Variants in LTBP4 observed in about 807,000 individuals in gnomAD.
LTBP4 encodes latent-transforming growth factor beta-binding protein 4.
A neutral mutation model predicts 180.2 loss-of-function variants in LTBP4; 93 were observed. The ratio of observed to expected loss-of-function variants is 0.52; its 90% CI spans 0.44 to 0.61. The LOEUF (loss-of-function observed/expected upper bound fraction) is 0.61. Among genes scored for constraint, LTBP4 ranks in the 20% least tolerant of loss-of-function variants. The pLI is 0.00. For synonymous variants in LTBP4, 947 were observed against 934.5 expected, an observed-to-expected ratio of 1.01 and a Z score of -0.24; for missense variants, 2,116 against 2,256.5, an observed-to-expected ratio of 0.94 and a Z score of 1.26.
chr19:40,597,467 G>T (rs1447927947), upstream of LTBP4: 127 of 1,354,502 alleles, frequency 9.4e-5, no homozygotes, highest in Non-Finnish European at 1.2e-4. Flanking sequence ...GGGGAAACTC[G>T]AACCCACTGC....
chr19:40,622,732 G>A lies in LTBP4; in HGVS notation c.3484+65G>A. On this transcript the variant is annotated intron_variant, in intron 23 of 29. Coordinates refer to ENST00000396819, the MANE Select transcript of LTBP4 (RefSeq NM_001042545.2). This position sits in a 1 kb window ranked among gnomAD's most constrained non-coding sequence, Gnocchi z 5.1. Reference sequence around the variant, plus strand: ...GGTGGAAATACTGGGTGGGGTGTGGGCCTGGGACAGGGGACACTTTTGGAC... The same window carrying A: ...GGTGGAAATACTGGGTGGGGTGTGGACCTGGGACAGGGGACACTTTTGGAC... The A allele has an allele frequency of 6.6e-7, 1 of 1,522,522 alleles. No homozygotes were observed. 94.3% of individuals were successfully genotyped at this position (1,522,522 alleles called of 1,614,324 possible).
In LTBP4 at chr19:40,608,617, A is replaced by T. The variant is rs770670908; in HGVS notation, c.1426+14A>T. 16 of 1,571,408 alleles carry T rather than the reference A, an allele frequency of 1.0e-5. No homozygotes were observed. The East Asian group carries it at 3.3e-4, about 32-fold the overall frequency. On this transcript the variant is annotated intron_variant, in intron 9 of 29. Transcript: ENST00000396819. ...TTCCTGAATCAGGTTTGCTAGAAAG[A>T]ACTGAGGGCATTGGGCCTGCAGCAG...
intron 7 of LTBP4, 30 bp downstream of exon 7, chr19:40,607,559 C>T (rs762279242): frequency 3.2e-6 from 5 of 1,577,128 alleles, no homozygotes; most frequent in African/African-American, 1.3e-5. Flanking sequence ...CCTAGCCCTA[C>T]GCGCAACACA....
In LTBP4 at chr19:40,611,484, G is replaced by A; in HGVS notation, c.2053+90G>A. ...GAGGGGCAGAGAGGCAGAGTGATGG[G>A]GCTCAGGGATGGAGAACAGGGGCTG... On this transcript the variant is annotated intron_variant, in intron 13 of 29. Coordinates refer to ENST00000396819, the MANE Select transcript of LTBP4 (RefSeq NM_001042545.2). This position sits in a 1 kb window ranked among gnomAD's most constrained non-coding sequence, Gnocchi z 4.4. The A allele has an allele frequency of 6.6e-7, 1 of 1,506,092 alleles. No homozygotes were observed. The highest frequency in any genetic ancestry group is 1.3e-5 in the South Asian group (1 of 76,894). 93.3% of individuals were successfully genotyped at this position (1,506,092 alleles called of 1,614,324 possible).
rs55740667 is a variant in LTBP4 at position 40,606,699 on chromosome 19, G to C, written c.991+173G>C. On this transcript the variant is annotated intron_variant, in intron 6 of 29. Coordinates refer to ENST00000396819, the MANE Select transcript of LTBP4 (RefSeq NM_001042545.2). ...TTCTTATACAGCTTCAGCATCCCTGGACCACCTTTAGACCTTTCAAGCCTT... is the reference window on the plus strand; with the variant it reads ...TTCTTATACAGCTTCAGCATCCCTGCACCACCTTTAGACCTTTCAAGCCTT... Among the ~76,000 whole-genome samples the C allele has an allele frequency of 0.19, 29,420 of 151,874 alleles. 3,018 individuals carry two copies. Among genetic ancestry groups the C allele is most frequent in the South Asian group, 0.29 (1,386 of 4,816 alleles).
intron 21 of LTBP4, 120 bp from the exon 22 acceptor site, chr19:40,619,227 T>C: frequency 3.1e-6 from 3 of 974,256 alleles, no homozygotes; most frequent in Non-Finnish European, 4.5e-6. Context: ...GAAAAACAGA[T>C]GATGGGATCT....
In LTBP4 at chr19:40,611,876, C is replaced by G; in HGVS notation, c.2071C>G (p.Arg691Gly). ...APCQDVDECARSPPPCTYGRC... is the reference protein window; with the variant it reads ...APCQDVDECAGSPPPCTYGRC... ...TGCCCCAGATGTGGATGAGTGTGCCCGAAGCCCCCCACCCTGCACCTACGG... is the reference window on the plus strand; with the variant it reads ...TGCCCCAGATGTGGATGAGTGTGCCGGAAGCCCCCCACCCTGCACCTACGG... Residue 691 changes from arginine to glycine, a missense_variant, in exon 14 of 30, where the codon CGA (arginine) becomes GGA (glycine). This residue lies in a region of LTBP4 where 877 missense variants were observed against 873.6 expected (regional missense o/e 1.00). Coordinates refer to ENST00000396819, the MANE Select transcript of LTBP4 (RefSeq NM_001042545.2). This position sits in a 1 kb window ranked among gnomAD's most constrained non-coding sequence, Gnocchi z 4.4. 2 of 1,607,454 alleles carry G rather than the reference C, an allele frequency of 1.2e-6. No individual in the cohort carries two copies. Among genetic ancestry groups the G allele is most frequent in the Non-Finnish European group, 1.7e-6 (2 of 1,177,214 alleles).
At chr19:40,593,239 T>C in intron 1 of LTBP4, 1 of 1,600,846 alleles carries the variant, frequency 6.2e-7, no homozygotes, top group Non-Finnish European at 8.6e-7. Context: ...AACCCTAATT[T>C]TGTTTTTGTT....
chr19:40,617,095 T>A lies in LTBP4; in HGVS notation c.2945-5T>A. 5 of 1,614,000 alleles carry A rather than the reference T, an allele frequency of 3.1e-6. No homozygotes were observed. The highest frequency in any genetic ancestry group is 4.2e-6 in the Non-Finnish European group (5 of 1,179,870). On this transcript the variant is annotated splice_polypyrimidine_tract_variant and splice_region_variant and intron_variant, in intron 20 of 29. Transcript: ENST00000396819. ...AGAAATGGCCTGACTGTCTGGTGGT[T>A]GCAGATGTGGACGAATGCCGGAACC... is the stretch of plus-strand genomic sequence containing the variant.
chr19:40,627,437 G>C (rs531186974), intron 28 of LTBP4, 82 bp downstream of exon 28: 2 of 1,428,912 alleles, frequency 1.4e-6, no homozygotes, highest in Non-Finnish European at 1.8e-6. Flanking sequence ...CAGAAGGCGG[G>C]AGGAGAGACG....
In LTBP4 at chr19:40,623,642, A is replaced by T; in HGVS notation, c.3595A>T (p.Lys1199Ter). ...ECQLFRDQVC[K>*]SGVCVNTAPG... ...TCAGCTCTTCCGAGACCAGGTGTGC[A>T]AGAGTGGCGTGTGTGTGAACACGGC... Residue 1199 changes from lysine (K) to a stop codon, truncating the protein, a stop_gained, in exon 25 of 30, where the codon AAG becomes TAG. Transcript: ENST00000396819. LOFTEE classifies it high-confidence loss of function. 1 of 1,613,792 alleles carries T rather than the reference A, an allele frequency of 6.2e-7. No homozygotes were observed. The highest frequency in any genetic ancestry group is 8.5e-7 in the Non-Finnish European group (1 of 1,179,854).
Position 40,622,174 on chromosome 19 carries a change from C to T in LTBP4, c.3218-227C>T, listed in dbSNP as rs930084147. On this transcript the variant is annotated intron_variant, in intron 22 of 29. Coordinates refer to ENST00000396819, the MANE Select transcript of LTBP4 (RefSeq NM_001042545.2). The surrounding 1 kb of genome is among the most constrained non-coding windows in gnomAD (Gnocchi z 5.1). The stretch of plus-strand genomic sequence containing the variant: ...CCACCCAAGCTGTTAGCTGCAGTGA[C>T]GGGAAAGTGTGAGGTGGGGAGGCAA... Among the ~76,000 whole-genome samples, 5 of 152,092 alleles carry T rather than the reference C, an allele frequency of 3.3e-5. No individual in the cohort carries two copies. The highest frequency in any genetic ancestry group is 9.7e-5 in the African/African-American group (4 of 41,394).
chr19:40,601,212 C>T (rs1195046080), upstream of LTBP4, among the ~76,000 whole-genome samples: 1 of 151,830 alleles, frequency 6.6e-6, no homozygotes, highest in Admixed American at 6.6e-5. Flanking sequence ...AGCCTGCGAG[C>T]CTCTGGCTAA....
chr19:40,611,086 G>A lies in LTBP4; in HGVS notation c.1811-66G>A. 1 of 1,599,378 alleles carries A rather than the reference G, an allele frequency of 6.3e-7. No homozygotes were observed. The highest frequency in any genetic ancestry group is 2.2e-5 in the East Asian group (1 of 44,578). ...GGGACAGAATGTTGGAGGGTGGAAA[G>A]CCAAAGTGACAGAGGTCAGGGAGGC... On this transcript the variant is annotated intron_variant, in intron 12 of 29. Transcript: ENST00000396819. The surrounding 1 kb of genome is among the most constrained non-coding windows in gnomAD (Gnocchi z 4.4).
At chr19:40,606,959 C>T (rs570004616) in intron 6 of LTBP4, among the ~76,000 whole-genome samples, 1 of 152,302 alleles carries the variant, frequency 6.6e-6, no homozygotes, top group South Asian at 2.1e-4. Flanking sequence ...CCACGTTGGC[C>T]AGGCTGGCCT....
In LTBP4 at chr19:40,606,220, C is replaced by T. The variant is rs565492892; in HGVS notation, c.794-13C>T. The T allele has an allele frequency of 2.1e-5, 33 of 1,577,522 alleles. 1 individual carries two copies. In the South Asian group the frequency reaches 2.2e-4, roughly 11 times the overall value. On this transcript the variant is annotated splice_polypyrimidine_tract_variant and intron_variant, in intron 4 of 29. Transcript: ENST00000396819. Reference sequence around the variant, plus strand: ...CCACCTGTCCCTGGCCCACCCCTCTCCTCTCGCCACAGGGAACTCCGAAAG... The same window carrying T: ...CCACCTGTCCCTGGCCCACCCCTCTTCTCTCGCCACAGGGAACTCCGAAAG...
At chr19:40,607,340 A>G in intron 6 of LTBP4, 25 bp from the exon 7 acceptor site, 1 of 1,604,362 alleles carries the variant, frequency 6.2e-7, no homozygotes, top group Non-Finnish European at 8.5e-7. Flanking sequence ...CCCGCCCTGA[A>G]GGATTTCCTC....
intron 24 of LTBP4, 127 bp downstream of exon 24, chr19:40,623,148 ACT>A (rs1465431062): frequency 7.5e-6 from 4 of 536,528 alleles, no homozygotes; most frequent in Admixed American, 7.8e-5. Context: ...CCCCACCCAT[ACT>A]CTGTCTCTTT....
Position 40,605,704 on chromosome 19 carries a change from G to A in LTBP4, c.691-25G>A, listed in dbSNP as rs1266286537. 2.6e-6 allele frequency: 4 copies of A among 1,547,138 alleles called. No homozygotes were observed. Among genetic ancestry groups the A allele is most frequent in the East Asian group, 4.9e-5 (2 of 40,880 alleles). ...CCGGAGCTTGCCTCCGCGCGGGGGC[G>A]CGCTCACCCAACACTTCCCCGCAGT... On this transcript the variant is annotated intron_variant, in intron 3 of 29. Coordinates refer to ENST00000396819, the MANE Select transcript of LTBP4 (RefSeq NM_001042545.2). The surrounding 1 kb of genome is among the most constrained non-coding windows in gnomAD (Gnocchi z 5.5).
Sources: gnomAD v4.1 joint callset for allele counts (sites outside exome capture counted in the v4.1 genomes callset) on GRCh38, gnomAD v4.1.1 for gene constraint, gnomAD v4.1.1 regional missense constraint, Gnocchi (gnomAD v3.1) non-coding constraint, MANE v1.5 for transcripts, NCBI Gene and HGNC (gene_info 2026-07-23, HGNC 2026-07-21) for gene names.